PHF6: variants seen among roughly 807,000 people sequenced by gnomAD.
The protein encoded by PHF6 is PHD finger protein 6.
A neutral mutation model predicts 34.0 loss-of-function variants in PHF6; 7 were observed. That is an observed-to-expected ratio of 0.21 (90% confidence interval 0.12 to 0.39). The LOEUF is 0.39. Ranked by LOEUF, PHF6 falls within the 10% of genes least tolerant of loss-of-function variation. PHF6 has a pLI of 1.00. For synonymous variants in PHF6, 89 were observed against 88.4 expected (o/e 1.01, Z -0.04); for missense variants, 128 against 262.8 (o/e 0.49, Z 3.55).
At chrX:134,381,417 AG>A (rs940510171) in intron 3 of PHF6, among the ~76,000 whole-genome samples, 6 of 110,619 alleles carry the variant, frequency 5.4e-5, no homozygotes, top group African/African-American at 9.9e-5. Flanking sequence ...ATCAAATAGG[AG>A]GGGGGAAAAA....
At chrX:134,404,860 A>G (rs1436010523) in intron 5 of PHF6, among the ~76,000 whole-genome samples, 3 of 112,021 alleles carry the variant, frequency 2.7e-5, no homozygotes, top group Non-Finnish European at 5.6e-5. Flanking sequence ...ATGAAGGTAC[A>G]TACCCTTTTT....
intron 1 of PHF6, among the ~76,000 whole-genome samples, chrX:134,373,855 G>A (rs1025040175): frequency 1.9e-5 from 2 of 105,619 alleles, no homozygotes; most frequent in Admixed American, 2.0e-4. Flanking sequence ...CTTACGGAAT[G>A]AGGAAAAACT....
chrX:134,384,858 A>G (rs893804733), intron 3 of PHF6, among the ~76,000 whole-genome samples: 2 of 110,513 alleles, frequency 1.8e-5, no homozygotes, highest in Non-Finnish European at 3.8e-5. Flanking sequence ...TCACCGTGTT[A>G]GCCAGGATGG....
intron 8 of PHF6, among the ~76,000 whole-genome samples, chrX:134,416,096 A>T (rs182457430): frequency 1.5e-3 from 161 of 109,736 alleles, no homozygotes; most frequent in East Asian, 9.5e-3. Context: ...AGTAGCTGGG[A>T]TTACAGACAT....
intron 3 of PHF6, among the ~76,000 whole-genome samples, chrX:134,382,050 G>T (rs1265257326): frequency 9.0e-6 from 1 of 111,662 alleles, no homozygotes; most frequent in Non-Finnish European, 1.9e-5. Context: ...TCAACAGCCA[G>T]GTGGGTCAGA....
intron 3 of PHF6, among the ~76,000 whole-genome samples, chrX:134,382,022 G>A (rs985167132): frequency 2.7e-5 from 3 of 111,696 alleles, no homozygotes; most frequent in African/African-American, 6.5e-5. Context: ...GCTAGGGCTT[G>A]AGGTTAAAGT....
Position 134,377,688 on chromosome X carries a change from G to C in PHF6, c.71G>C (p.Arg24Thr), listed in dbSNP as rs1556013227. 3 of 1,210,248 alleles carry C rather than the reference G, an allele frequency of 2.5e-6. No homozygotes were observed. Among genetic ancestry groups the C allele is most frequent in the Non-Finnish European group, 3.4e-6 (3 of 894,391 alleles). Reference sequence around the variant, plus strand: ...AAATGTGGCTTTTGTAAGTCAAATAGAGACAAGGAATGTGGACAGTTACTA... The same window carrying C: ...AAATGTGGCTTTTGTAAGTCAAATACAGACAAGGAATGTGGACAGTTACTA... ...QRKCGFCKSN[R>T]DKECGQLLIS... Residue 24 changes from arginine (R) to threonine (T), a missense_variant, in exon 2 of 11, where the codon AGA becomes ACA. Arg to Thr is a moderately conservative substitution (Grantham distance 71). Around this residue, in one of 3 missense-constraint regions of PHF6, gnomAD observed 97 missense variants for 152.9 expected, o/e 0.63. Coordinates refer to ENST00000370803, the MANE Select transcript of PHF6 (RefSeq NM_001015877.2).
intron 1 of PHF6, among the ~76,000 whole-genome samples, chrX:134,374,380 G>C (rs1417525903): frequency 8.9e-6 from 1 of 112,003 alleles, no homozygotes; most frequent in Non-Finnish European, 1.9e-5. Flanking sequence ...GTTTCCTTTT[G>C]AATAACCGCA....
intron 5 of PHF6, among the ~76,000 whole-genome samples, chrX:134,405,920 C>T (rs1405719949): frequency 1.8e-5 from 2 of 108,496 alleles, no homozygotes; most frequent in Admixed American, 1.0e-4. Flanking sequence ...CAAATGACTC[C>T]GCACATACAG....
At chrX:134,385,555 G>T (rs2077328171) in intron 3 of PHF6, among the ~76,000 whole-genome samples, 1 of 111,872 alleles carries the variant, frequency 8.9e-6, no homozygotes, top group African/African-American at 3.3e-5. Flanking sequence ...TTTGAAGATG[G>T]AAAGGGCTTC....
At chrX:134,380,541 T>C (rs182383463) in intron 3 of PHF6, among the ~76,000 whole-genome samples, 77 of 111,160 alleles carry the variant, frequency 6.9e-4, no homozygotes, top group African/African-American at 2.3e-3. Context: ...TTTCCCCAAA[T>C]GTAGTGTGTT....
chrX:134,415,243 A>G (rs756028184), intron 8 of PHF6, 123 bp downstream of exon 8: 20 of 1,118,248 alleles, frequency 1.8e-5, no homozygotes, highest in Non-Finnish European at 1.8e-5. Context: ...AAAGCAAAGT[A>G]TATATTTGAC....
At chrX:134,410,827 T>C (rs112181207) in intron 5 of PHF6, among the ~76,000 whole-genome samples, 2,679 of 106,492 alleles carry the variant, frequency 0.025, 92 homozygotes, top group African/African-American at 0.086. Context: ...TTTTTTGAAG[T>C]TTTAGTAGAG....
chrX:134,396,188 C>A (rs775632864), intron 5 of PHF6, among the ~76,000 whole-genome samples: 2 of 111,447 alleles, frequency 1.8e-5, no homozygotes, highest in South Asian at 7.5e-4. Context: ...ATCCCTATTT[C>A]AAACAATCCA....
chrX:134,406,743 G>A (rs1435062991), intron 5 of PHF6, among the ~76,000 whole-genome samples: 1 of 112,002 alleles, frequency 8.9e-6, no homozygotes, highest in Admixed American at 9.5e-5. Context: ...CTATTTTGTC[G>A]CCTGCCTTAT....
rs1167197706 is a variant in PHF6 at position 134,426,868 on chromosome X, C to G, written c.*1208C>G. On this transcript the variant is annotated 3_prime_UTR_variant, in exon 11 of 11. Transcript: ENST00000370803. ...CCAAATAACTTTAGTTGTGGTCTGCCTGATACTACCATAGCACCTCAGTAC... is the reference window on the plus strand; with the variant it reads ...CCAAATAACTTTAGTTGTGGTCTGCGTGATACTACCATAGCACCTCAGTAC... 6.1e-6 allele frequency: 1 copy of G among 163,590 alleles called. No individual in the cohort carries two copies. Among genetic ancestry groups the G allele is most frequent in the East Asian group, 9.0e-5 (1 of 11,126 alleles). The allele number at this position is 163,590 out of a possible 1,213,427, so 13.5% of individuals were successfully genotyped here.
At chrX:134,401,798 A>G (rs1436437089) in intron 5 of PHF6, among the ~76,000 whole-genome samples, 2 of 111,890 alleles carry the variant, frequency 1.8e-5, no homozygotes, top group African/African-American at 3.3e-5. Flanking sequence ...GACCTGGTGG[A>G]TTCCCTAATG....
chrX:134,373,924 CTG>C (rs1441716546), intron 1 of PHF6, among the ~76,000 whole-genome samples: 2 of 99,541 alleles, frequency 2.0e-5, no homozygotes, highest in Non-Finnish European at 4.1e-5. Context: ...ACAACGAAGA[CTG>C]TGAGAGGGCT....
chrX:134,406,384 A>G (rs1394066925), intron 5 of PHF6, among the ~76,000 whole-genome samples: 1 of 111,752 alleles, frequency 8.9e-6, no homozygotes, highest in Non-Finnish European at 1.9e-5. Flanking sequence ...AAGACCTAGT[A>G]AGTGGCAATT....
Sources: gnomAD v4.1 joint callset for allele counts (sites outside exome capture counted in the v4.1 genomes callset) on GRCh38, gnomAD v4.1.1 for gene constraint, gnomAD v4.1.1 regional missense constraint, MANE v1.5 for transcripts, NCBI Gene and HGNC (gene_info 2026-07-23, HGNC 2026-07-21) for gene names.